The following CEP126 variants were observed in gnomAD, a reference collection of about 807,000 sequenced individuals.
CEP126 encodes centrosomal protein of 126 kDa.
Under a neutral mutation model 107.8 loss-of-function variants are expected in CEP126, and 74 were observed. The observed-to-expected ratio is 0.69, with a 90% CI of 0.57 to 0.83. The LOEUF is 0.83. CEP126 is among the 40% of genes least tolerant of loss of function. CEP126 has a pLI of 0.00. For synonymous variants in CEP126, 449 were observed against 446.0 expected (o/e 1.01, Z -0.08); for missense variants, 1,237 against 1,281.9 (o/e 0.96, Z 0.53).
intron 1 of CEP126, among the ~76,000 whole-genome samples, chr11:101,917,073 T>C (rs936034969): frequency 1.8e-4 from 25 of 140,588 alleles, no homozygotes; most frequent in Non-Finnish European, 3.0e-4. Context: ...TGTGTGTGTG[T>C]GTGCTGGTTT....
At chr11:101,978,509 G>C (rs763610529) in intron 7 of CEP126, 50 bp downstream of exon 7, 11 of 1,159,110 alleles carry the variant, frequency 9.5e-6, no homozygotes, top group Non-Finnish European at 1.3e-5. Context: ...AAAATTGCTT[G>C]GAAAACAGAG....
intron 6 of CEP126, among the ~76,000 whole-genome samples, chr11:101,971,387 G>A (rs1225496995): frequency 1.3e-5 from 2 of 152,152 alleles, no homozygotes; most frequent in African/African-American, 4.8e-5. Flanking sequence ...ATCAAAGGAA[G>A]TTACTAATGA....
Position 101,922,642 on chromosome 11 carries a change from G to T in CEP126, c.130G>T (p.Asp44Tyr). 1 of 1,601,836 alleles carries T rather than the reference G, an allele frequency of 6.2e-7. No individual in the cohort carries two copies. Among genetic ancestry groups the T allele is most frequent in the Non-Finnish European group, 8.6e-7 (1 of 1,169,446 alleles). Residue 44 changes from aspartate (D) to tyrosine (Y), a missense_variant and splice_region_variant, in exon 2 of 11, where the codon GAT becomes TAT. Asp to Tyr is a radical substitution (Grantham distance 160). Coordinates refer to ENST00000263468, the MANE Select transcript of CEP126 (RefSeq NM_020802.4). Reference sequence around the variant, plus strand: ...TTCTTAACTTAATGCTATCATTAGAGATATGAAAATCCATCTGGAGAAAAA... The same window carrying T: ...TTCTTAACTTAATGCTATCATTAGATATATGAAAATCCATCTGGAGAAAAA... ...GGHHRPGSYL[D>Y]MKIHLEKNLE...
intron 7 of CEP126, among the ~76,000 whole-genome samples, chr11:101,978,720 T>C (rs1171180409): frequency 6.6e-6 from 1 of 152,248 alleles, no homozygotes. Flanking sequence ...TTAGTTGTTA[T>C]TATTGATAGC....
rs1425936610 is a variant in CEP126, at chr11:101,993,229, G to A, written c.3309+387G>A. On this transcript the variant is annotated intron_variant, in intron 10 of 10. Transcript: ENST00000263468. The stretch of plus-strand genomic sequence containing the variant: ...CTCCCACCCTCCATGGCCTCAAGTG[G>A]GCCCCAGTGTCTGTTGTTCCCGTCT... Among the ~76,000 whole-genome samples, 5 of 152,164 alleles carry A rather than the reference G, an allele frequency of 3.3e-5. No individual in the cohort carries two copies. The East Asian group carries it at 9.7e-4, about 29-fold the overall frequency.
chr11:101,974,345 G>T (rs1264837283), intron 6 of CEP126, among the ~76,000 whole-genome samples: 5 of 152,090 alleles, frequency 3.3e-5, no homozygotes, highest in African/African-American at 1.2e-4. Context: ...CTAAAAGTCA[G>T]TTAAAGAAAC....
Position 101,962,412 on chromosome 11 carries a change from G to A in CEP126, c.1377G>A (p.Val459=). ...CAATTCCTACTTCATGTGTACCAGT[G>A]GCAACGCCTTTAGTTTTGCCATCTA... ...TTSIPTSCVP[V]ATPLVLPSNI... The change falls in exon 6 of 11, where the codon GTG becomes GTA. Residue 459 remains valine, a synonymous_variant. Transcript: ENST00000263468. 6.2e-7 allele frequency: 1 copy of A among 1,613,860 alleles called. No individual in the cohort carries two copies.
intron 4 of CEP126, among the ~76,000 whole-genome samples, chr11:101,957,888 T>C (rs996175977): frequency 2.0e-5 from 3 of 152,150 alleles, no homozygotes; most frequent in African/African-American, 7.2e-5. Context: ...TATCCCAGAT[T>C]ATAGAGGGAT....
intron 9 of CEP126, among the ~76,000 whole-genome samples, chr11:101,990,115 G>A (rs1941360680): frequency 6.7e-6 from 1 of 149,732 alleles, no homozygotes; most frequent in African/African-American, 2.6e-5. Context: ...AGATGAATGT[G>A]GACTACTATG....
chr11:101,996,164 T>G (rs1941438861), intron 10 of CEP126, among the ~76,000 whole-genome samples: 1 of 152,234 alleles, frequency 6.6e-6, no homozygotes, highest in Non-Finnish European at 1.5e-5. Flanking sequence ...CACCAGGCAC[T>G]GGGCTGCAGA....
At chr11:101,985,445 G>A (rs1158733891) in intron 8 of CEP126, among the ~76,000 whole-genome samples, 1 of 151,846 alleles carries the variant, frequency 6.6e-6, no homozygotes, top group Non-Finnish European at 1.5e-5. Context: ...ACCATACCTG[G>A]GTAATTTTTG....
chr11:101,970,407 A>G (rs1941111560), intron 6 of CEP126, among the ~76,000 whole-genome samples: 1 of 152,190 alleles, frequency 6.6e-6, no homozygotes, highest in South Asian at 2.1e-4. Flanking sequence ...GCAGGTGGGT[A>G]TATGGAAACA....
intron 8 of CEP126, among the ~76,000 whole-genome samples, chr11:101,984,301 C>T (rs756582409): frequency 1.3e-5 from 2 of 152,202 alleles, no homozygotes; most frequent in Non-Finnish European, 2.9e-5. Flanking sequence ...CCTGGCACAA[C>T]CTCTGGCCTG....
At chr11:101,925,621 T>G (rs374707112) in intron 2 of CEP126, among the ~76,000 whole-genome samples, 186 of 148,020 alleles carry the variant, frequency 1.3e-3, no homozygotes, top group African/African-American at 4.4e-3. Flanking sequence ...ATACAAAAAC[T>G]AGCCAGGTGT....
intron 2 of CEP126, among the ~76,000 whole-genome samples, chr11:101,929,308 TAC>T (rs1320564785): frequency 1.3e-5 from 2 of 152,236 alleles, no homozygotes; most frequent in Admixed American, 1.3e-4. Context: ...AACATTTTCA[TAC>T]TCTATTATGA....
chr11:101,953,468 A>C (rs2137103709), intron 4 of CEP126, among the ~76,000 whole-genome samples: 1 of 152,332 alleles, frequency 6.6e-6, no homozygotes, highest in East Asian at 1.9e-4. Flanking sequence ...GATTACAAAG[A>C]AAGTATGGAT....
At chr11:101,972,880 T>A (rs1469080943) in intron 6 of CEP126, among the ~76,000 whole-genome samples, 2 of 152,218 alleles carry the variant, frequency 1.3e-5, no homozygotes, top group Admixed American at 1.3e-4. Flanking sequence ...AAACGATATG[T>A]CATTTTGTCC....
intron 2 of CEP126, among the ~76,000 whole-genome samples, chr11:101,941,297 C>T (rs2137093755): frequency 6.6e-6 from 1 of 152,234 alleles, no homozygotes; most frequent in East Asian, 1.9e-4. Context: ...ACTAACTCCC[C>T]ATGCTACCCT....
At chr11:101,946,177 C>T (rs1254587910) in intron 3 of CEP126, among the ~76,000 whole-genome samples, 2 of 151,656 alleles carry the variant, frequency 1.3e-5, no homozygotes, top group Admixed American at 1.3e-4. Flanking sequence ...TGCTCTTCTT[C>T]GCTACTGTGC....
Sources: allele counts gnomAD v4.1 joint callset (sites outside exome capture counted in the v4.1 genomes callset), GRCh38; gene constraint gnomAD v4.1.1; transcripts MANE v1.5; gene names NCBI Gene and HGNC (gene_info 2026-07-23, HGNC 2026-07-21).